Variants in CCDC178 observed in about 807,000 individuals in gnomAD.
CCDC178 encodes coiled-coil domain-containing protein 178.
Under a neutral mutation model 117.4 loss-of-function variants are expected in CCDC178, and 126 were observed. The observed-to-expected ratio is 1.07, with a 90% confidence interval of 0.93 to 1.24. CCDC178 has a LOEUF of 1.24. CCDC178 is among the 50% of genes most tolerant of loss of function. The pLI is 0.00. For missense variants in CCDC178, 1,030 were observed against 986.9 expected, an observed-to-expected ratio of 1.04 and a Z score of -0.59; for synonymous variants, 283 against 313.4, an observed-to-expected ratio of 0.90 and a Z score of 1.02.
At chr18:32,995,048 C>T (rs1023353794) in intron 21 of CCDC178, among the ~76,000 whole-genome samples, 2 of 152,186 alleles carry the variant, frequency 1.3e-5, no homozygotes, top group Admixed American at 6.5e-5. Flanking sequence ...AATGACCCTG[C>T]ACTCCTTTTC....
chr18:33,254,415 A>C (rs547065617), intron 14 of CCDC178, among the ~76,000 whole-genome samples: 3 of 152,074 alleles, frequency 2.0e-5, no homozygotes, highest in African/African-American at 7.2e-5. Context: ...TATGGAACCA[A>C]GGAAAGTTAG....
intron 2 of CCDC178, among the ~76,000 whole-genome samples, chr18:33,429,203 T>C (rs2064170915): frequency 6.6e-6 from 1 of 152,058 alleles, no homozygotes; most frequent in African/African-American, 2.4e-5. Flanking sequence ...TGGATTAATA[T>C]ATAAATAGTT....
chr18:33,289,685 G>A (rs2060143634), intron 12 of CCDC178, among the ~76,000 whole-genome samples: 1 of 152,180 alleles, frequency 6.6e-6, no homozygotes, highest in Admixed American at 6.5e-5. Flanking sequence ...ATTTAGGAAA[G>A]TCTAACGAAC....
At chr18:33,417,045 G>A (rs745809058) in intron 2 of CCDC178, among the ~76,000 whole-genome samples, 2 of 152,216 alleles carry the variant, frequency 1.3e-5, no homozygotes, top group African/African-American at 4.8e-5. Flanking sequence ...TACTTTGGCA[G>A]TTCCTTTCAA....
At chr18:33,399,736 T>G (rs1263069037) in intron 3 of CCDC178, among the ~76,000 whole-genome samples, 1 of 152,192 alleles carries the variant, frequency 6.6e-6, no homozygotes, top group Non-Finnish European at 1.5e-5. Flanking sequence ...TCCACTGAAG[T>G]CTTGAATCCC....
intron 20 of CCDC178, among the ~76,000 whole-genome samples, chr18:33,163,050 C>T (rs764789137): frequency 1.3e-5 from 2 of 152,094 alleles, no homozygotes; most frequent in South Asian, 2.1e-4. Flanking sequence ...CTCCCACCAG[C>T]GGTGTATAAA....
chr18:33,311,841 C>T (rs1467284719), intron 11 of CCDC178, among the ~76,000 whole-genome samples: 1 of 152,158 alleles, frequency 6.6e-6, no homozygotes, highest in Non-Finnish European at 1.5e-5. Context: ...TAGGAACCAC[C>T]TACAAGGTTT....
intron 3 of CCDC178, among the ~76,000 whole-genome samples, chr18:33,408,707 T>G (rs2063813082): frequency 6.6e-6 from 1 of 152,160 alleles, no homozygotes; most frequent in African/African-American, 2.4e-5. Flanking sequence ...AACACTATTC[T>G]GTAAAAAAAT....
intron 12 of CCDC178, among the ~76,000 whole-genome samples, chr18:33,275,787 A>G (rs2059942241): frequency 6.6e-6 from 1 of 151,344 alleles, no homozygotes; most frequent in Non-Finnish European, 1.5e-5. Flanking sequence ...AGCTTTGCAA[A>G]TTCATTGGTT....
chr18:33,062,846 C>T (rs1339999496), intron 21 of CCDC178, among the ~76,000 whole-genome samples: 1 of 152,134 alleles, frequency 6.6e-6, no homozygotes, highest in Non-Finnish European at 1.5e-5. Flanking sequence ...ACTGATATCT[C>T]CCCACATTCA....
At chr18:33,243,719 G>A (rs536132848) in intron 15 of CCDC178, among the ~76,000 whole-genome samples, 117 of 151,894 alleles carry the variant, frequency 7.7e-4, no homozygotes, top group African/African-American at 2.7e-3. Context: ...TCAGATAAAT[G>A]AAGCAATATG....
chr18:33,399,390 A>C (rs890944183), intron 3 of CCDC178, among the ~76,000 whole-genome samples: 1 of 152,202 alleles, frequency 6.6e-6, no homozygotes, highest in African/African-American at 2.4e-5. Context: ...CCTTTTACAA[A>C]AGATTTCTTT....
At chr18:33,228,904 T>C (rs963821012) in intron 15 of CCDC178, among the ~76,000 whole-genome samples, 16 of 152,244 alleles carry the variant, frequency 1.1e-4, no homozygotes, top group African/African-American at 3.9e-4. Flanking sequence ...AGAGAACTAC[T>C]GAATACTTTC....
At chr18:33,061,321 C>G (rs532533255) in intron 21 of CCDC178, among the ~76,000 whole-genome samples, 1 of 152,032 alleles carries the variant, frequency 6.6e-6, no homozygotes, top group East Asian at 1.9e-4. Flanking sequence ...AAAATATAAT[C>G]TTATCCCATT....
chr18:33,109,503 A>G (rs567962330), intron 20 of CCDC178, among the ~76,000 whole-genome samples: 1 of 151,666 alleles, frequency 6.6e-6, no homozygotes, highest in African/African-American at 2.4e-5. Flanking sequence ...TCTTTTAAAA[A>G]CTTTATTCTT....
At chr18:33,438,007 G>T (rs2064315180) in intron 2 of CCDC178, among the ~76,000 whole-genome samples, 1 of 152,098 alleles carries the variant, frequency 6.6e-6, no homozygotes, top group African/African-American at 2.4e-5. Context: ...TTACCTAACT[G>T]AATTTTTATG....
At chr18:32,951,847 A>G (rs1159709071) in intron 22 of CCDC178, among the ~76,000 whole-genome samples, 1 of 152,244 alleles carries the variant, frequency 6.6e-6, no homozygotes, top group Non-Finnish European at 1.5e-5. Context: ...GGGTACAGGC[A>G]TTGGGTTAAC....
At chr18:33,188,207 T>C (rs1269561360) in intron 20 of CCDC178, among the ~76,000 whole-genome samples, 1 of 151,988 alleles carries the variant, frequency 6.6e-6, no homozygotes, top group Admixed American at 6.6e-5. Flanking sequence ...CAGGATAGGG[T>C]AATGTTCTCC....
intron 21 of CCDC178, among the ~76,000 whole-genome samples, chr18:33,024,339 C>T (rs942796591): frequency 3.9e-5 from 6 of 152,064 alleles, no homozygotes; most frequent in Admixed American, 2.6e-4. Flanking sequence ...TATTCTGAGG[C>T]CTCTCTAGCA....
Sources: allele counts gnomAD v4.1 joint callset (sites outside exome capture counted in the v4.1 genomes callset), GRCh38; gene constraint gnomAD v4.1.1; transcripts MANE v1.5; gene names NCBI Gene and HGNC (gene_info 2026-07-23, HGNC 2026-07-21).